Variants in EYS observed in about 807,000 individuals in gnomAD.
EYS encodes the protein EGF-like photoreceptor maintenance factor.
EYS carries 250 observed loss-of-function variants against 282.1 expected under a neutral mutation model. The ratio of observed to expected loss-of-function variants is 0.89; its 90% CI spans 0.80 to 0.98. The LOEUF is 0.98. Ranked by LOEUF, EYS falls within the 50% of genes least tolerant of loss-of-function variation. EYS has a pLI of 0.00. For synonymous variants in EYS, 1,355 were observed against 1,282.9 expected (o/e 1.06, Z -1.20); for missense variants, 4,016 against 3,709.0 (o/e 1.08, Z -2.15).
At chr6:65,477,415 C>A (rs1314789978) in intron 5 of EYS, among the ~76,000 whole-genome samples, 12 of 152,154 alleles carry the variant, frequency 7.9e-5, no homozygotes, top group African/African-American at 2.7e-4. Flanking sequence ...TTACACTTTA[C>A]CAGCAGAAAT....
At chr6:65,532,339 A>G (rs1767803485) in intron 2 of EYS, among the ~76,000 whole-genome samples, 1 of 152,146 alleles carries the variant, frequency 6.6e-6, no homozygotes, top group Admixed American at 6.6e-5. Flanking sequence ...TCAAGTCATA[A>G]TATTTTTCTT....
chr6:64,425,666 A>AG (rs1434430427), intron 28 of EYS, among the ~76,000 whole-genome samples: 8 of 151,446 alleles, frequency 5.3e-5, no homozygotes, highest in Admixed American at 1.3e-4. Context: ...GGAAAAAAAA[A>AG]AAAAAAAAAA....
chr6:65,189,047 T>C (rs1391294490), intron 12 of EYS, among the ~76,000 whole-genome samples: 2 of 151,642 alleles, frequency 1.3e-5, no homozygotes, highest in African/African-American at 4.8e-5. Context: ...TCTATCTTAA[T>C]TATATAGTTA....
At chr6:64,853,430 C>T (rs1765949783) in intron 19 of EYS, among the ~76,000 whole-genome samples, 1 of 152,238 alleles carries the variant, frequency 6.6e-6, no homozygotes, top group East Asian at 1.9e-4. Flanking sequence ...GGTTTCCAAA[C>T]TTCACAGCCG....
intron 39 of EYS, among the ~76,000 whole-genome samples, chr6:63,782,439 G>A (rs775112101): frequency 1.3e-5 from 2 of 152,264 alleles, no homozygotes; most frequent in Non-Finnish European, 1.5e-5. Context: ...CCTGTTATTG[G>A]TCTATTCAGG....
intron 33 of EYS, among the ~76,000 whole-genome samples, chr6:64,045,570 T>C (rs1722404425): frequency 6.6e-6 from 1 of 151,382 alleles, no homozygotes; most frequent in Admixed American, 6.6e-5. Flanking sequence ...CTCAGCCTCC[T>C]GAGTAGCTGT....
At chr6:64,045,104 C>A (rs1770557739) in intron 33 of EYS, among the ~76,000 whole-genome samples, 1 of 152,170 alleles carries the variant, frequency 6.6e-6, no homozygotes, top group African/African-American at 2.4e-5. Context: ...ATTCATAGAA[C>A]AAACATTGCT....
intron 26 of EYS, among the ~76,000 whole-genome samples, chr6:64,532,127 C>A (rs540832688): frequency 1.6e-4 from 24 of 152,254 alleles, no homozygotes; most frequent in African/African-American, 5.8e-4. Context: ...CAGGACTAGA[C>A]AGCAATAAAA....
intron 16 of EYS, among the ~76,000 whole-genome samples, chr6:64,904,750 T>C (rs961771866): frequency 6.6e-6 from 1 of 152,190 alleles, no homozygotes; most frequent in Non-Finnish European, 1.5e-5. Flanking sequence ...TGATTTCAGC[T>C]GTGCTGATGA....
At chr6:63,902,546 G>A (rs1297535039) in intron 35 of EYS, among the ~76,000 whole-genome samples, 1 of 151,498 alleles carries the variant, frequency 6.6e-6, no homozygotes, top group Non-Finnish European at 1.5e-5. Flanking sequence ...GTATTTTTTG[G>A]GTTACAACAT....
chr6:65,623,794 T>C (rs939381053), intron 2 of EYS, among the ~76,000 whole-genome samples: 1 of 152,224 alleles, frequency 6.6e-6, no homozygotes, highest in Non-Finnish European at 1.5e-5. Context: ...TCACAAATGG[T>C]GCATAGTGTT....
At chr6:65,089,854 G>A (rs939497165) in intron 12 of EYS, among the ~76,000 whole-genome samples, 1 of 151,314 alleles carries the variant, frequency 6.6e-6, no homozygotes, top group African/African-American at 2.4e-5. Context: ...TACTGGGTAG[G>A]TTGAGTGAGG....
intron 5 of EYS, among the ~76,000 whole-genome samples, chr6:65,443,073 ATG>A (rs1463613084): frequency 2.6e-5 from 4 of 151,808 alleles, no homozygotes; most frequent in Admixed American, 6.6e-5. Flanking sequence ...TGTGATATGT[ATG>A]TGTCTATACA....
At chr6:65,585,493 T>G (rs567543124) in intron 2 of EYS, among the ~76,000 whole-genome samples, 1 of 152,056 alleles carries the variant, frequency 6.6e-6, no homozygotes, top group South Asian at 2.1e-4. Context: ...TAAAATATTT[T>G]TAAAATAAAC....
intron 36 of EYS, chr6:63,857,597 CGT>C (rs1285149757): frequency 5.5e-6 from 2 of 366,194 alleles, no homozygotes; most frequent in Non-Finnish European, 1.1e-5. Flanking sequence ...CCATGACCAC[CGT>C]GTGATGGGGT....
chr6:65,267,581 C>G (rs1484923468), intron 12 of EYS, among the ~76,000 whole-genome samples: 5 of 151,916 alleles, frequency 3.3e-5, no homozygotes. Context: ...TTTAATACCT[C>G]TCTTATATTT....
intron 26 of EYS, among the ~76,000 whole-genome samples, chr6:64,450,908 AAG>A (rs1775309154): frequency 6.6e-6 from 1 of 152,238 alleles, no homozygotes; most frequent in Admixed American, 6.5e-5. Context: ...GAAAGCAGGA[AAG>A]ATCTAAAATT....
intron 33 of EYS, among the ~76,000 whole-genome samples, chr6:64,052,945 G>T (rs1770862477): frequency 6.6e-6 from 1 of 152,052 alleles, no homozygotes; most frequent in Non-Finnish European, 1.5e-5. Flanking sequence ...CCAGTTTCAG[G>T]TATTTCTTCA....
At chr6:64,278,607 C>T (rs1238491886) in intron 30 of EYS, among the ~76,000 whole-genome samples, 1 of 152,108 alleles carries the variant, frequency 6.6e-6, no homozygotes, top group Non-Finnish European at 1.5e-5. Flanking sequence ...TCAAATTTTT[C>T]TTGATAATTT....
Sources: allele counts gnomAD v4.1 joint callset (sites outside exome capture counted in the v4.1 genomes callset), GRCh38; gene constraint gnomAD v4.1.1; transcripts MANE v1.5; gene names NCBI Gene and HGNC (gene_info 2026-07-23, HGNC 2026-07-21).